Variants in DOCK8 observed in about 807,000 individuals in gnomAD.
DOCK8 encodes the protein dedicator of cytokinesis protein 8.
A neutral mutation model predicts 245.6 loss-of-function variants in DOCK8; 141 were observed. That is an observed-to-expected ratio of 0.57 (90% CI 0.50 to 0.66). DOCK8 has a LOEUF of 0.66. Among genes scored for constraint, DOCK8 ranks in the 30% least tolerant of loss-of-function variants. DOCK8 has a pLI of 0.00. For missense variants in DOCK8, 2,965 were observed against 2,603.4 expected (o/e 1.14, Z -3.02); for synonymous variants, 1,168 against 970.2 (o/e 1.20, Z -3.79).
At chr9:213,088 G>C (rs1363229176), upstream of DOCK8, 1 of 152,192 alleles carries the variant, frequency 6.6e-6, no homozygotes, top group Non-Finnish European at 1.5e-5. Flanking sequence ...AATAAGGACA[G>C]TTTTGAAAGT....
At chr9:409,074 C>T (rs1390530330) in intron 28 of DOCK8, among the ~76,000 whole-genome samples, 2 of 152,012 alleles carry the variant, frequency 1.3e-5, no homozygotes, top group East Asian at 1.9e-4. Context: ...AAATGTCATG[C>T]TTCAACAATA....
chr9:274,942 G>A (rs1053915573), intron 2 of DOCK8, among the ~76,000 whole-genome samples: 9 of 152,128 alleles, frequency 5.9e-5, no homozygotes, highest in Admixed American at 2.0e-4. Context: ...ATTTTAAAAA[G>A]CATTTAATTG....
intron 36 of DOCK8, among the ~76,000 whole-genome samples, chr9:431,128 C>T (rs1417619428): frequency 6.6e-6 from 1 of 152,092 alleles, no homozygotes; most frequent in Non-Finnish European, 1.5e-5. Flanking sequence ...CCCTCCTCAG[C>T]CCCCCAAAGT....
In DOCK8 at chr9:449,809, C is replaced by T; in HGVS notation, c.5843C>T (p.Ala1948Val). 6.2e-7 allele frequency: 1 copy of T among 1,613,088 alleles called. No homozygotes were observed. Among genetic ancestry groups the T allele is most frequent in the East Asian group, 2.2e-5 (1 of 44,872 alleles). ...TTTGTTTTGACACCGATTGAAGTTGCCATTGAAGACATGAAGAAGAAGACC... is the reference window on the plus strand; with the variant it reads ...TTTGTTTTGACACCGATTGAAGTTGTCATTGAAGACATGAAGAAGAAGACC... ...EEFVLTPIEV[A>V]IEDMKKKTLQ... The change falls in exon 45 of 48, where the codon GCC (alanine) becomes GTC (valine). Residue 1948 changes from alanine to valine, a missense_variant. Transcript: ENST00000432829.
chr9:329,253 T>G (rs909012897), intron 9 of DOCK8, among the ~76,000 whole-genome samples: 2 of 152,086 alleles, frequency 1.3e-5, no homozygotes, highest in African/African-American at 4.8e-5. Flanking sequence ...TGCCCGGCCG[T>G]AAAATCATTG....
chr9:272,941 G>A (rs750191134), intron 2 of DOCK8: 7 of 678,168 alleles, frequency 1.0e-5, no homozygotes, highest in African/African-American at 3.9e-5. Flanking sequence ...TGCTGGTTCT[G>A]CTGCTTATCT....
intron 1 of DOCK8, among the ~76,000 whole-genome samples, chr9:240,431 C>T (rs2047350966): frequency 6.6e-6 from 1 of 151,606 alleles, no homozygotes; most frequent in South Asian, 2.1e-4. Flanking sequence ...CTATTTGAGG[C>T]CATCTTCATA....
chr9:219,655 G>C (rs2046840769), intron 1 of DOCK8, among the ~76,000 whole-genome samples: 1 of 152,092 alleles, frequency 6.6e-6, no homozygotes, highest in South Asian at 2.1e-4. Flanking sequence ...CTAGCACTTT[G>C]GGAGGCCTAA....
intron 33 of DOCK8, among the ~76,000 whole-genome samples, chr9:425,771 A>AC (rs1342538342): frequency 2.0e-5 from 3 of 151,806 alleles, no homozygotes; most frequent in Non-Finnish European, 4.4e-5. Context: ...GAAAAAAAAA[A>AC]AAAAAAACTT....
intron 14 of DOCK8, among the ~76,000 whole-genome samples, chr9:344,599 T>A (rs1222975988): frequency 6.6e-6 from 1 of 152,182 alleles, no homozygotes; most frequent in Admixed American, 6.5e-5. Context: ...TCTCTTTTTG[T>A]TCCTTGCCAT....
At chr9:403,946 GTATATATATATATGTA>G (rs1193351949) in intron 26 of DOCK8, among the ~76,000 whole-genome samples, 16 of 76,264 alleles carry the variant, frequency 2.1e-4, no homozygotes, top group South Asian at 4.1e-4. Context: ...ATATATATGT[GTATATATATATATGTA>G]TATATATATA....
intron 1 of DOCK8, among the ~76,000 whole-genome samples, chr9:217,312 G>C (rs2046778521): frequency 6.6e-6 from 1 of 152,198 alleles, no homozygotes. Context: ...AGGAAGGAAA[G>C]CTGAAGTTGG....
intron 43 of DOCK8, 59 bp downstream of exon 43, chr9:443,575 A>C (rs1480954349): frequency 1.5e-6 from 2 of 1,313,166 alleles, no homozygotes; most frequent in Non-Finnish European, 2.2e-6. Flanking sequence ...TTCTCTACCC[A>C]AGAATACCTA....
chr9:400,680 T>C lies in DOCK8; in HGVS notation c.3234+1421T>C, dbSNP rs371900421. Among the ~76,000 whole-genome samples the C allele has an allele frequency of 1.2e-3, 26 of 20,874 alleles. No homozygotes were observed. The East Asian group carries it at 0.017, about 14-fold the overall frequency. 13.7% of individuals were successfully genotyped at this position (20,874 alleles called of 152,430 possible). A position where few individuals can be genotyped will look rare whatever the true frequency, so the allele number is the denominator to read the frequency against. The stretch of plus-strand genomic sequence containing the variant: ...TCCACCACCACCAGCATCTTCACCA[T>C]CACCACCACCTCCACCACCACCACC... On this transcript the variant is annotated intron_variant, in intron 26 of 47. Transcript: ENST00000432829.
intron 1 of DOCK8, among the ~76,000 whole-genome samples, chr9:228,193 A>C (rs962248693): frequency 7.9e-5 from 12 of 152,182 alleles, no homozygotes; most frequent in African/African-American, 2.9e-4. Flanking sequence ...CTTTTACACA[A>C]ATATGACATA....
chr9:420,860 C>A, intron 31 of DOCK8, 89 bp from the exon 32 acceptor site: 1 of 1,553,464 alleles, frequency 6.4e-7, no homozygotes, highest in Non-Finnish European at 8.9e-7. Context: ...ACTTAGCTGG[C>A]ATCACTGTGG....
chr9:282,280 T>C (rs143153170), intron 2 of DOCK8, among the ~76,000 whole-genome samples: 1 of 152,148 alleles, frequency 6.6e-6, no homozygotes, highest in African/African-American at 2.4e-5. Context: ...CATTGCTGAG[T>C]GAGGAAGTCA....
chr9:435,060 G>A (rs557059978), intron 39 of DOCK8, 85 bp downstream of exon 39: 3 of 1,518,870 alleles, frequency 2.0e-6, no homozygotes, highest in South Asian at 1.2e-5. Context: ...ATTTGGCAAT[G>A]TCTAGATACA....
chr9:230,150 C>T lies in DOCK8; in HGVS notation c.53+15121C>T, dbSNP rs561007909. Among the ~76,000 whole-genome samples, 113 of 149,750 alleles carry T rather than the reference C, an allele frequency of 7.5e-4. 1 individual carries two copies. In the South Asian group the frequency reaches 0.017, roughly 22 times the overall value. The stretch of plus-strand genomic sequence containing the variant: ...ATTCCCACCTATGAGTGAGAACATG[C>T]GGTGTTTGGTTTTTTGTCCTTGCGA... On this transcript the variant is annotated intron_variant, in intron 1 of 47. Coordinates refer to ENST00000432829, the MANE Select transcript of DOCK8 (RefSeq NM_203447.4).
Sources: allele counts gnomAD v4.1 joint callset (sites outside exome capture counted in the v4.1 genomes callset), GRCh38; gene constraint gnomAD v4.1.1; transcripts MANE v1.5; gene names NCBI Gene and HGNC (gene_info 2026-07-23, HGNC 2026-07-21).